Variants in MYRFL observed in about 807,000 individuals in gnomAD.
MYRFL encodes the protein myelin regulatory factor like.
MYRFL carries 88 observed loss-of-function variants against 109.4 expected under a neutral mutation model. The observed-to-expected ratio is 0.80, with a 90% CI of 0.68 to 0.96. The LOEUF (loss-of-function observed/expected upper bound fraction) is 0.96, where lower values mean the gene tolerates loss of function less well. Ranked by LOEUF, MYRFL falls within the 40% of genes least tolerant of loss-of-function variation. MYRFL has a pLI of 0.00. For missense variants in MYRFL, 957 were observed against 954.9 expected (o/e 1.00, Z -0.03); for synonymous variants, 324 against 320.9 (o/e 1.01, Z -0.10).
intron 19 of MYRFL, among the ~76,000 whole-genome samples, chr12:69,941,844 A>G (rs1488743651): frequency 6.6e-6 from 1 of 151,776 alleles, no homozygotes; most frequent in Non-Finnish European, 1.5e-5. Context: ...AAAAAATGAT[A>G]AAGGGGATAT....
intron 19 of MYRFL, among the ~76,000 whole-genome samples, chr12:69,947,915 C>T (rs1428539431): frequency 6.6e-6 from 1 of 152,156 alleles, no homozygotes; most frequent in Non-Finnish European, 1.5e-5. Flanking sequence ...CACCTTCTAC[C>T]ATGACAGGAG....
intron 13 of MYRFL, among the ~76,000 whole-genome samples, chr12:69,913,551 C>T (rs1954641704): frequency 6.6e-6 from 1 of 152,286 alleles, no homozygotes; most frequent in Middle Eastern, 3.4e-3. Context: ...GTTGAAAAGA[C>T]TGTCCTTTTC....
intron 13 of MYRFL, among the ~76,000 whole-genome samples, chr12:69,913,803 AT>A (rs1249265628): frequency 6.6e-6 from 1 of 152,190 alleles, no homozygotes; most frequent in Non-Finnish European, 1.5e-5. Flanking sequence ...TCCCACGTGA[AT>A]TTTAGAATAG....
At chr12:69,836,489 C>T (rs1882950873) in intron 1 of MYRFL, among the ~76,000 whole-genome samples, 1 of 152,160 alleles carries the variant, frequency 6.6e-6, no homozygotes, top group African/African-American at 2.4e-5. Context: ...ATTATAATTC[C>T]ACAAGATAAC....
At chr12:69,903,566 CT>C in intron 10 of MYRFL, 77 bp from the exon 11 acceptor site, 1 of 1,395,688 alleles carries the variant, frequency 7.2e-7, no homozygotes, top group East Asian at 2.5e-5. Context: ...TTCAGTTTGC[CT>C]TTGCTCTGAA....
chr12:69,891,458 T>G (rs1886797166), intron 7 of MYRFL, among the ~76,000 whole-genome samples: 2 of 152,222 alleles, frequency 1.3e-5, no homozygotes, highest in Admixed American at 1.3e-4. Flanking sequence ...GGCTTAGCTC[T>G]TCTCCATGTG....
intron 2 of MYRFL, among the ~76,000 whole-genome samples, chr12:69,860,081 G>C (rs1278212918): frequency 6.6e-6 from 1 of 152,090 alleles, no homozygotes; most frequent in African/African-American, 2.4e-5. Context: ...TATTCTTCCT[G>C]ATGCTCTCCA....
At chr12:69,855,481 G>C (rs1449582718) in intron 2 of MYRFL, 111 bp downstream of exon 2, 2 of 602,458 alleles carry the variant, frequency 3.3e-6, no homozygotes, top group African/African-American at 3.7e-5. Flanking sequence ...CTTGGGTAGA[G>C]TTGACATTAT....
chr12:69,854,255 G>T (rs1041908338), intron 1 of MYRFL, among the ~76,000 whole-genome samples: 1 of 151,952 alleles, frequency 6.6e-6, no homozygotes, highest in Admixed American at 6.5e-5. Context: ...TGAGGCAGGA[G>T]AATCAGGCAG....
intron 2 of MYRFL, among the ~76,000 whole-genome samples, chr12:69,878,170 G>C (rs1289044777): frequency 6.7e-6 from 1 of 150,306 alleles, no homozygotes; most frequent in African/African-American, 2.4e-5. Flanking sequence ...TTGAACCTGG[G>C]AGGTGGAGGT....
intron 13 of MYRFL, among the ~76,000 whole-genome samples, chr12:69,923,620 A>G (rs1451807170): frequency 6.6e-6 from 1 of 152,086 alleles, no homozygotes; most frequent in Admixed American, 6.5e-5. Context: ...TGTGTGTATA[A>G]TCCATCACTA....
chr12:69,869,634 AGT>A (rs371199630), intron 2 of MYRFL, among the ~76,000 whole-genome samples: 310 of 152,352 alleles, frequency 2.0e-3, no homozygotes, highest in Non-Finnish European at 3.1e-3. Flanking sequence ...AGCCGAGCTC[AGT>A]GTGAGGTGCA....
At position 69,915,776 on chromosome 12, in the gene MYRFL, A is replaced by T. The variant is rs117857651; in HGVS notation, c.1602+4846A>T. On this transcript the variant is annotated intron_variant, in intron 13 of 24. Coordinates refer to ENST00000552032, the MANE Select transcript of MYRFL (RefSeq NM_182530.3). ...CTGTAGACACCTGGCCTAACCCTGC[A>T]TTAGACCGGTGGCAGCTTGGCCTTT... Among the ~76,000 whole-genome samples, 1,310 of 152,178 alleles carry T rather than the reference A, an allele frequency of 8.6e-3. 9 individuals are homozygous for T. Among genetic ancestry groups the T allele is most frequent in the Non-Finnish European group, 0.013 (894 of 68,000 alleles).
At chr12:69,909,199 G>A (rs913539588) in intron 11 of MYRFL, among the ~76,000 whole-genome samples, 28 of 152,302 alleles carry the variant, frequency 1.8e-4, no homozygotes, top group African/African-American at 6.7e-4. Context: ...ATAACTTCCT[G>A]AAATAAAGCT....
chr12:69,884,610 G>A (rs1886332782), intron 5 of MYRFL, among the ~76,000 whole-genome samples: 1 of 152,208 alleles, frequency 6.6e-6, no homozygotes, highest in Admixed American at 6.5e-5. Context: ...GCATGATTTA[G>A]CCAGTATTCA....
intron 1 of MYRFL, among the ~76,000 whole-genome samples, chr12:69,834,116 C>T (rs1000447045): frequency 2.0e-5 from 3 of 152,108 alleles, no homozygotes; most frequent in African/African-American, 7.2e-5. Context: ...AGTTAGGCAG[C>T]AGGCTATGCT....
At chr12:69,919,170 G>A (rs1954831938) in intron 13 of MYRFL, among the ~76,000 whole-genome samples, 1 of 152,158 alleles carries the variant, frequency 6.6e-6, no homozygotes, top group Non-Finnish European at 1.5e-5. Context: ...CCTGTGTCAG[G>A]TACTGAGTTG....
At chr12:69,891,295 G>A in intron 7 of MYRFL, 129 bp downstream of exon 7, 1 of 672,456 alleles carries the variant, frequency 1.5e-6, no homozygotes, top group Non-Finnish European at 2.2e-6. Flanking sequence ...TCACAAATCT[G>A]CAACTGGGTC....
chr12:69,889,830 T>G (rs1475077833), intron 6 of MYRFL, among the ~76,000 whole-genome samples: 1 of 151,916 alleles, frequency 6.6e-6, no homozygotes, highest in East Asian at 1.9e-4. Flanking sequence ...GCACTCCACC[T>G]GGGCGACAGA....
Sources: gnomAD v4.1 joint callset for allele counts (sites outside exome capture counted in the v4.1 genomes callset) on GRCh38, gnomAD v4.1.1 for gene constraint, MANE v1.5 for transcripts, NCBI Gene and HGNC (gene_info 2026-07-23, HGNC 2026-07-21) for gene names.